The following SLC4A4 variants were observed in gnomAD, a reference collection of about 807,000 sequenced individuals.
The protein encoded by SLC4A4 is solute carrier family 4 member 4.
Under a neutral mutation model 111.5 loss-of-function variants are expected in SLC4A4, and 27 were observed. The observed-to-expected ratio is 0.24, with a 90% confidence interval of 0.18 to 0.33. The LOEUF is 0.33. Ranked by LOEUF, SLC4A4 falls within the 10% of genes least tolerant of loss-of-function variation. SLC4A4 has a pLI of 1.00. For missense variants in SLC4A4, 909 were observed against 1,315.5 expected (o/e 0.69, Z 4.78); for synonymous variants, 443 against 463.4 (o/e 0.96, Z 0.57).
intron 1 of SLC4A4, among the ~76,000 whole-genome samples, chr4:71,226,434 C>G (rs1001218094): frequency 1.3e-5 from 2 of 152,054 alleles, no homozygotes; most frequent in African/African-American, 4.8e-5. Flanking sequence ...CTCTTAATTT[C>G]TTTTTTAGCA....
intron 12 of SLC4A4, among the ~76,000 whole-genome samples, chr4:71,462,950 C>T (rs1726979360): frequency 1.3e-5 from 2 of 152,146 alleles, no homozygotes; most frequent in Admixed American, 1.3e-4. Context: ...TACAGTGTCT[C>T]AATTTTTCCT....
At chr4:71,208,683 CCTTTT>C (rs1717944587) in intron 1 of SLC4A4, among the ~76,000 whole-genome samples, 1 of 151,868 alleles carries the variant, frequency 6.6e-6, no homozygotes, top group South Asian at 2.1e-4. Flanking sequence ...CCCATTACGG[CCTTTT>C]CTTTTATTGT....
intron 3 of SLC4A4, among the ~76,000 whole-genome samples, chr4:71,312,956 TCA>T (rs1726331085): frequency 1.4e-5 from 1 of 73,122 alleles, no homozygotes; most frequent in Non-Finnish European, 2.3e-5. Context: ...TAAAGGGTAT[TCA>T]ATTCAAATAG....
intron 2 of SLC4A4, among the ~76,000 whole-genome samples, chr4:71,237,409 G>T (rs985905106): frequency 6.6e-5 from 10 of 152,114 alleles, no homozygotes; most frequent in Admixed American, 4.6e-4. Context: ...TTTATAATGA[G>T]ATTTTTAAAA....
intron 7 of SLC4A4, chr4:71,437,748 C>A: frequency 3.3e-6 from 1 of 303,862 alleles, no homozygotes; most frequent in Admixed American, 3.7e-5. Flanking sequence ...AAGTGAAATT[C>A]TTGGCAAGTT....
At chr4:71,488,928 G>GTGTGTGTT (rs1307362984) in intron 15 of SLC4A4, among the ~76,000 whole-genome samples, 1 of 147,824 alleles carries the variant, frequency 6.8e-6, no homozygotes, top group African/African-American at 2.5e-5. Context: ...GTGTGTGTGT[G>GTGTGTGTT]GTCATGAAGG....
At chr4:71,452,099 GT>G (rs11286138) in intron 11 of SLC4A4, among the ~76,000 whole-genome samples, 151,162 of 151,984 alleles carry the variant, frequency 0.99, 75,178 homozygotes, top group Non-Finnish European at 1. Flanking sequence ...ACACTGCAGG[GT>G]TTTTTTTTAA....
chr4:71,495,977 G>T (rs913373629), intron 15 of SLC4A4, among the ~76,000 whole-genome samples: 2 of 152,044 alleles, frequency 1.3e-5, no homozygotes, highest in Non-Finnish European at 2.9e-5. Context: ...CAGTATGCAA[G>T]AAAGTGTTGT....
intron 2 of SLC4A4, among the ~76,000 whole-genome samples, chr4:71,112,545 T>C (rs115853599): frequency 0.013 from 1,960 of 152,268 alleles, 47 homozygotes; most frequent in African/African-American, 0.044. Flanking sequence ...GAAAAAGATA[T>C]TGTGTGCATT....
chr4:71,093,280 G>A (rs1478242147), intron 2 of SLC4A4, among the ~76,000 whole-genome samples: 2 of 149,738 alleles, frequency 1.3e-5, no homozygotes, highest in East Asian at 2.0e-4. Flanking sequence ...CAATTCTCCT[G>A]CCTCAGCCTC....
At chr4:71,249,649 G>A (rs1720919756) in intron 2 of SLC4A4, among the ~76,000 whole-genome samples, 1 of 152,130 alleles carries the variant, frequency 6.6e-6, no homozygotes, top group Non-Finnish European at 1.5e-5. Flanking sequence ...AGCACTTTGG[G>A]AGGCCGAAGT....
At chr4:71,076,581 G>A (rs1458975318) in intron 1 of SLC4A4, among the ~76,000 whole-genome samples, 1 of 151,890 alleles carries the variant, frequency 6.6e-6, no homozygotes, top group Non-Finnish European at 1.5e-5. Flanking sequence ...TAATGTGAAG[G>A]TTTGTTTCTT....
chr4:71,165,495 T>C (rs1173331432), intron 2 of SLC4A4, among the ~76,000 whole-genome samples: 2 of 151,320 alleles, frequency 1.3e-5, no homozygotes, highest in Non-Finnish European at 2.9e-5. Flanking sequence ...TAAGTGGGAG[T>C]TGAACAAAGA....
At chr4:71,186,256 T>A (rs1056266762), upstream of SLC4A4, among the ~76,000 whole-genome samples, 13 of 152,200 alleles carry the variant, frequency 8.5e-5, no homozygotes, top group Admixed American at 3.9e-4. Flanking sequence ...ATCAGTGACA[T>A]AAGTGAAGGA....
intron 7 of SLC4A4, among the ~76,000 whole-genome samples, chr4:71,405,133 C>T (rs1720730609): frequency 6.6e-6 from 1 of 152,014 alleles, no homozygotes; most frequent in Non-Finnish European, 1.5e-5. Context: ...TCATTCTTTA[C>T]TTACTATAGT....
chr4:71,433,108 A>G (rs906760381), intron 7 of SLC4A4, among the ~76,000 whole-genome samples: 4 of 152,078 alleles, frequency 2.6e-5, no homozygotes, highest in African/African-American at 9.7e-5. Context: ...TGTGTTAAGC[A>G]GCCTTCATTC....
At chr4:71,553,267 T>C (rs998491443) in intron 20 of SLC4A4, among the ~76,000 whole-genome samples, 2 of 151,920 alleles carry the variant, frequency 1.3e-5, no homozygotes, top group Non-Finnish European at 2.9e-5. Flanking sequence ...CCATTCTATG[T>C]TACTGATACC....
At chr4:71,554,216 T>C (rs906637196) in intron 20 of SLC4A4, among the ~76,000 whole-genome samples, 40 of 151,992 alleles carry the variant, frequency 2.6e-4, no homozygotes, top group Admixed American at 1.2e-3. Flanking sequence ...AATAGCCTCC[T>C]TTATGTGGAT....
At chr4:71,142,817 C>A (rs965938316) in intron 2 of SLC4A4, among the ~76,000 whole-genome samples, 1 of 146,430 alleles carries the variant, frequency 6.8e-6, no homozygotes, top group African/African-American at 2.5e-5. Flanking sequence ...GGTTTGGATC[C>A]CATGCCCATG....
Sources: allele counts gnomAD v4.1 joint callset (sites outside exome capture counted in the v4.1 genomes callset), GRCh38; gene constraint gnomAD v4.1.1; transcripts MANE v1.5; gene names NCBI Gene and HGNC (gene_info 2026-07-23, HGNC 2026-07-21).